Variants in ERC2 observed in about 807,000 individuals in gnomAD.
The protein encoded by ERC2 is ERC protein 2.
Under a neutral mutation model 114.8 loss-of-function variants are expected in ERC2, and 42 were observed. The observed-to-expected ratio is 0.37, with a 90% CI of 0.29 to 0.47. ERC2 has a LOEUF of 0.47. ERC2 is among the 20% of genes least tolerant of loss of function. ERC2 has a pLI of 0.99. For synonymous variants in ERC2, 454 were observed against 425.5 expected, an observed-to-expected ratio of 1.07 and a Z score of -0.82; for missense variants, 939 against 1,150.7, an observed-to-expected ratio of 0.82 and a Z score of 2.66.
intron 10 of ERC2, among the ~76,000 whole-genome samples, chr3:56,002,154 C>CA (rs2072124171): frequency 6.6e-6 from 1 of 152,164 alleles, no homozygotes; most frequent in Non-Finnish European, 1.5e-5. Flanking sequence ...CTGAATCTAA[C>CA]TAAGTACACC....
In ERC2 at chr3:56,142,248, A is replaced by T. The variant is rs115845802; in HGVS notation, c.1306-2572T>A. Among the ~76,000 whole-genome samples, 201 of 152,304 alleles carry T rather than the reference A, an allele frequency of 1.3e-3. 2 individuals carry two copies. Among genetic ancestry groups the T allele is most frequent in the African/African-American group, 4.7e-3 (196 of 41,564 alleles). On this transcript the variant is annotated intron_variant, in intron 5 of 17. Transcript: ENST00000288221. ...AAAACCCACTTATCCTTATATCAATAGCATTTATGATTATGTCTTCCTTTT... is the reference window on the plus strand; with the variant it reads ...AAAACCCACTTATCCTTATATCAATTGCATTTATGATTATGTCTTCCTTTT...
intron 14 of ERC2, among the ~76,000 whole-genome samples, chr3:55,782,905 C>G (rs531582749): frequency 2.0e-5 from 3 of 152,328 alleles, no homozygotes; most frequent in African/African-American, 7.2e-5. Context: ...TTTATTATCA[C>G]AGTGAATATT....
chr3:56,153,466 G>A (rs1399312689), intron 4 of ERC2, among the ~76,000 whole-genome samples: 1 of 152,134 alleles, frequency 6.6e-6, no homozygotes, highest in Admixed American at 6.5e-5. Flanking sequence ...AGACACAAGG[G>A]CCAAGACTGA....
At chr3:55,528,408 T>C (rs193034809) in intron 17 of ERC2, among the ~76,000 whole-genome samples, 225 of 152,362 alleles carry the variant, frequency 1.5e-3, no homozygotes, top group African/African-American at 5.2e-3. Flanking sequence ...AAGTGAATTC[T>C]TATTTAAAAT....
In ERC2 at chr3:55,734,813, G is replaced by A; in HGVS notation, c.2670C>T (p.Leu890=). 1 of 1,613,112 alleles carries A rather than the reference G, an allele frequency of 6.2e-7. No individual in the cohort carries two copies. The highest frequency in any genetic ancestry group is 8.5e-7 in the Non-Finnish European group (1 of 1,179,496). ...GTACTAGTCGGTCTTTTTCCCGCTT[G>A]AGGGCCATGACTTCTTCCTGCGTCT... is the stretch of plus-strand genomic sequence containing the variant. The part of the protein sequence containing the change: ...KKKTQEEVMA[L]KREKDRLVHQ... Residue 890 remains leucine (L), a synonymous_variant, in exon 15 of 18, where the codon CTC becomes CTT. Coordinates refer to ENST00000288221, the MANE Select transcript of ERC2 (RefSeq NM_015576.3).
chr3:56,143,657 A>T (rs2080989952), intron 5 of ERC2, among the ~76,000 whole-genome samples: 1 of 152,178 alleles, frequency 6.6e-6, no homozygotes. Flanking sequence ...TTACCCAGTC[A>T]TGGGTATGTC....
chr3:55,891,290 G>C (rs967731938), intron 13 of ERC2, among the ~76,000 whole-genome samples: 2 of 152,066 alleles, frequency 1.3e-5, no homozygotes, highest in African/African-American at 4.8e-5. Flanking sequence ...TCTTCAGCCT[G>C]AGTCCCTGAG....
chr3:55,563,246 C>T (rs2056151470), intron 17 of ERC2, among the ~76,000 whole-genome samples: 1 of 152,006 alleles, frequency 6.6e-6, no homozygotes, highest in Admixed American at 6.6e-5. Flanking sequence ...TGGACTGTTG[C>T]CCTCTGCGTG....
chr3:56,459,052 C>A (rs1386383780), intron 1 of ERC2, among the ~76,000 whole-genome samples: 1 of 152,188 alleles, frequency 6.6e-6, no homozygotes, highest in Non-Finnish European at 1.5e-5. Flanking sequence ...ACCGCCCTAA[C>A]CTCACATCTG....
intron 3 of ERC2, among the ~76,000 whole-genome samples, chr3:56,277,946 T>C (rs2054110652): frequency 6.6e-6 from 1 of 152,132 alleles, no homozygotes; most frequent in African/African-American, 2.4e-5. Flanking sequence ...ACAGGACTGT[T>C]GGCCCCCTGA....
intron 11 of ERC2, among the ~76,000 whole-genome samples, chr3:55,991,759 C>G (rs1417464464): frequency 6.6e-6 from 1 of 152,160 alleles, no homozygotes; most frequent in East Asian, 1.9e-4. Flanking sequence ...TTTGGGTAGT[C>G]AAAGCCCCAA....
chr3:55,884,719 G>GCTTC (rs2063284191), intron 14 of ERC2, among the ~76,000 whole-genome samples: 1 of 152,102 alleles, frequency 6.6e-6, no homozygotes. Context: ...CTGTGAATGG[G>GCTTC]AGACAGGCTT....
chr3:55,636,450 A>G (rs934741618), intron 17 of ERC2, among the ~76,000 whole-genome samples: 2 of 152,322 alleles, frequency 1.3e-5, no homozygotes, highest in East Asian at 1.9e-4. Context: ...CACAGCTGTT[A>G]TAAGATTGAG....
At chr3:55,540,256 A>AT in intron 17 of ERC2, among the ~76,000 whole-genome samples, 1 of 152,226 alleles carries the variant, frequency 6.6e-6, no homozygotes, top group Non-Finnish European at 1.5e-5. Flanking sequence ...AAAGACTGTG[A>AT]TTTTTAAGGG....
chr3:55,992,212 C>T lies in ERC2; in HGVS notation c.2100G>A (p.Glu700=). The T allele has an allele frequency of 1.2e-6, 2 of 1,613,804 alleles. No homozygotes were observed. The highest frequency in any genetic ancestry group is 1.7e-6 in the Non-Finnish European group (2 of 1,179,792). ...CGAGCTGTTTTATTTGGTCTGCAAA[C>T]TCAGGGTTCATCCTGGAGTCATCTT... is the stretch of plus-strand genomic sequence containing the variant. The part of the protein sequence containing the change: ...NIEDDSRMNP[E]FADQIKQLDK... Residue 700 remains glutamate, a synonymous_variant, in exon 11 of 18, where the codon GAG becomes GAA. Coordinates refer to ENST00000288221, the MANE Select transcript of ERC2 (RefSeq NM_015576.3).
intron 3 of ERC2, among the ~76,000 whole-genome samples, chr3:56,187,204 T>C (rs1289664049): frequency 2.6e-5 from 4 of 152,096 alleles, no homozygotes; most frequent in Admixed American, 2.0e-4. Context: ...CCAGCACTTC[T>C]GGACAGGAAA....
chr3:55,816,783 G>T (rs770680411), intron 14 of ERC2, among the ~76,000 whole-genome samples: 4 of 151,412 alleles, frequency 2.6e-5, no homozygotes, highest in Non-Finnish European at 4.4e-5. Context: ...AAAAAAAAAC[G>T]AAAAACACCC....
intron 2 of ERC2, among the ~76,000 whole-genome samples, chr3:56,400,321 AG>A (rs1343473674): frequency 3.3e-5 from 5 of 152,124 alleles, no homozygotes; most frequent in Non-Finnish European, 5.9e-5. Flanking sequence ...ATGGGGGCTG[AG>A]GGGGTCACAG....
At chr3:55,982,567 ATTG>A (rs2070241439) in intron 12 of ERC2, among the ~76,000 whole-genome samples, 1 of 136,464 alleles carries the variant, frequency 7.3e-6, no homozygotes, top group Non-Finnish European at 1.7e-5. Flanking sequence ...TATTATTATT[ATTG>A]TTATCAACCT....
Sources: allele counts gnomAD v4.1 joint callset (sites outside exome capture counted in the v4.1 genomes callset), GRCh38; gene constraint gnomAD v4.1.1; transcripts MANE v1.5; gene names NCBI Gene and HGNC (gene_info 2026-07-23, HGNC 2026-07-21).